Variants in PTPRO observed in about 807,000 individuals in gnomAD.
PTPRO encodes receptor-type tyrosine-protein phosphatase O.
PTPRO carries 62 observed loss-of-function variants against 145.2 expected under a neutral mutation model. That is an observed-to-expected ratio of 0.43 (90% CI 0.35 to 0.53). The LOEUF is 0.53. PTPRO is among the 20% of genes least tolerant of loss of function. The probability of loss-of-function intolerance (pLI) is 0.01; values close to 1 mark genes in which losing one functional copy is unlikely to be tolerated. For missense variants in PTPRO, 1,345 were observed against 1,482.7 expected (o/e 0.91, Z 1.53); for synonymous variants, 565 against 514.7 (o/e 1.10, Z -1.32).
At chr12:15,579,740 A>C (rs911693178) in intron 20 of PTPRO, among the ~76,000 whole-genome samples, 1 of 152,200 alleles carries the variant, frequency 6.6e-6, no homozygotes, top group Non-Finnish European at 1.5e-5. Context: ...ATAGCTGTCC[A>C]ATCAATCTCA....
intron 1 of PTPRO, among the ~76,000 whole-genome samples, chr12:15,435,894 T>C (rs1027916759): frequency 6.6e-6 from 1 of 152,252 alleles, no homozygotes; most frequent in Non-Finnish European, 1.5e-5. Context: ...CAAGAAGTTC[T>C]AGTCAGACTA....
intron 1 of PTPRO, among the ~76,000 whole-genome samples, chr12:15,335,264 A>G (rs1231960249): frequency 1.3e-5 from 2 of 152,066 alleles, no homozygotes; most frequent in African/African-American, 2.4e-5. Flanking sequence ...ATTGGCTTCT[A>G]AAGTTCGTGA....
chr12:15,359,422 C>CTTTTTTTTTTTT (rs771782428), intron 1 of PTPRO, among the ~76,000 whole-genome samples: 1 of 112,512 alleles, frequency 8.9e-6, no homozygotes, highest in Non-Finnish European at 1.8e-5. Context: ...TTTCTCTTTC[C>CTTTTTTTTTTTT]TTTTTTTTTT....
intron 1 of PTPRO, among the ~76,000 whole-genome samples, chr12:15,431,318 A>C (rs1467455921): frequency 6.6e-6 from 1 of 152,224 alleles, no homozygotes; most frequent in Non-Finnish European, 1.5e-5. Context: ...AGGAGCAATT[A>C]ACTAGTTATT....
intron 1 of PTPRO, chr12:15,410,148 T>C (rs1438780116): frequency 6.6e-6 from 1 of 152,160 alleles, no homozygotes; most frequent in African/African-American, 2.4e-5. Context: ...AGAAAAAATG[T>C]TTGCATGAAA....
rs58620856 is a variant in PTPRO at position 15,480,721 on chromosome 12, AGATGGATGGATGGATGGATG to A, written c.76-3228_76-3209del. Among the ~76,000 whole-genome samples the A allele has an allele frequency of 1.4e-4, 21 of 150,970 alleles. No homozygotes were observed. In the South Asian group the frequency reaches 1.5e-3, roughly 11 times the overall value. ...CCCTCTGGCTATAAGCTGATGTAGA[AGATGGATGGATGGATGGATG>A]GATGGATGGATGGATGGATGGATGC... On this transcript the variant is annotated intron_variant, in intron 1 of 26. Coordinates refer to ENST00000281171, the MANE Select transcript of PTPRO (RefSeq NM_030667.3).
chr12:15,407,337 A>G (rs1201915720), intron 1 of PTPRO, among the ~76,000 whole-genome samples: 1 of 152,218 alleles, frequency 6.6e-6, no homozygotes, highest in Non-Finnish European at 1.5e-5. Context: ...TTGTGCATAA[A>G]CAAAAAACTA....
intron 5 of PTPRO, among the ~76,000 whole-genome samples, 187 bp downstream of exon 5, chr12:15,502,250 C>T (rs1942237772): frequency 6.6e-6 from 1 of 152,246 alleles, no homozygotes; most frequent in South Asian, 2.1e-4. Flanking sequence ...AATGAATAGA[C>T]TGGATAAGAA....
intron 1 of PTPRO, chr12:15,410,849 A>C (rs1164417115): frequency 2.0e-5 from 3 of 152,220 alleles, no homozygotes; most frequent in Non-Finnish European, 4.4e-5. Flanking sequence ...TTTGACAATA[A>C]AATTGAAACA....
chr12:15,442,758 A>C (rs116816249), intron 1 of PTPRO, among the ~76,000 whole-genome samples: 4,982 of 152,158 alleles, frequency 0.033, 231 homozygotes, highest in African/African-American at 0.1. Context: ...CACACACACA[A>C]AAAAATACCT....
chr12:15,550,170 A>C (rs1298512739), intron 14 of PTPRO, among the ~76,000 whole-genome samples: 1 of 152,216 alleles, frequency 6.6e-6, no homozygotes. Context: ...TACCAATGAT[A>C]TAGACAGTTG....
At chr12:15,362,811 T>C (rs1180748630) in intron 1 of PTPRO, among the ~76,000 whole-genome samples, 3 of 152,200 alleles carry the variant, frequency 2.0e-5, no homozygotes, top group African/African-American at 7.2e-5. Flanking sequence ...TTCAAATGTA[T>C]TAATAAAATT....
At chr12:15,351,429 A>G (rs1351591083) in intron 1 of PTPRO, among the ~76,000 whole-genome samples, 2 of 152,164 alleles carry the variant, frequency 1.3e-5, no homozygotes, top group Non-Finnish European at 2.9e-5. Flanking sequence ...CAATCAGTGT[A>G]TCCAGTCCTC....
intron 12 of PTPRO, among the ~76,000 whole-genome samples, chr12:15,537,159 T>A (rs1365516114): frequency 1.3e-5 from 2 of 152,138 alleles, no homozygotes; most frequent in Non-Finnish European, 2.9e-5. Flanking sequence ...GGTCAACATT[T>A]TGAAGGTTCC....
At chr12:15,402,049 G>A (rs1323706909) in intron 1 of PTPRO, among the ~76,000 whole-genome samples, 2 of 152,158 alleles carry the variant, frequency 1.3e-5, no homozygotes, top group Non-Finnish European at 2.9e-5. Context: ...GGGCATGAAA[G>A]GAGGCTTTGG....
At chr12:15,463,409 A>G (rs1044991501) in intron 1 of PTPRO, among the ~76,000 whole-genome samples, 6 of 152,212 alleles carry the variant, frequency 3.9e-5, no homozygotes, top group African/African-American at 1.4e-4. Flanking sequence ...TTAAAGTTTT[A>G]TCTATGATTT....
At chr12:15,578,730 C>A in intron 19 of PTPRO, 123 bp from the exon 20 acceptor site, 1 of 759,240 alleles carries the variant, frequency 1.3e-6, no homozygotes, top group South Asian at 1.5e-5. Context: ...GAGTACCTTC[C>A]ACCTCTAAAG....
intron 15 of PTPRO, 22 bp from the exon 16 acceptor site, chr12:15,557,433 T>C: frequency 1.2e-6 from 2 of 1,607,358 alleles, no homozygotes; most frequent in Non-Finnish European, 1.7e-6. Flanking sequence ...GTAACCTTGA[T>C]TTTGTGGTTC....
chr12:15,578,172 T>C (rs1408821902), intron 19 of PTPRO, among the ~76,000 whole-genome samples: 1 of 152,142 alleles, frequency 6.6e-6, no homozygotes, highest in Admixed American at 6.5e-5. Flanking sequence ...TCCCTACTCA[T>C]TCCTCACTAT....
Sources: allele counts gnomAD v4.1 joint callset (sites outside exome capture counted in the v4.1 genomes callset), GRCh38; gene constraint gnomAD v4.1.1; transcripts MANE v1.5; gene names NCBI Gene and HGNC (gene_info 2026-07-23, HGNC 2026-07-21).